Variants in FBXO40 observed in about 807,000 individuals in gnomAD.
The protein encoded by FBXO40 is F-box only protein 40.
A neutral mutation model predicts 49.9 loss-of-function variants in FBXO40; 50 were observed. That is an observed-to-expected ratio of 1.00 (90% CI 0.80 to 1.27). FBXO40 has a LOEUF of 1.27. FBXO40 is among the 50% of genes most tolerant of loss of function. The probability of loss-of-function intolerance (pLI) is 0.00; values close to 1 mark genes in which losing one functional copy is unlikely to be tolerated. For synonymous variants in FBXO40, 340 were observed against 320.2 expected (o/e 1.06, Z -0.66); for missense variants, 895 against 870.1 (o/e 1.03, Z -0.36).
chr3:121,613,991 G>A (rs1053919181), intron 1 of FBXO40, among the ~76,000 whole-genome samples: 5 of 152,018 alleles, frequency 3.3e-5, no homozygotes, highest in South Asian at 2.1e-4. Flanking sequence ...AAATTAGACT[G>A]GGCGCAGTGG....
At chr3:121,616,293 A>G (rs1460165583) in intron 1 of FBXO40, among the ~76,000 whole-genome samples, 1 of 152,100 alleles carries the variant, frequency 6.6e-6, no homozygotes, top group Admixed American at 6.6e-5. Context: ...TCATTTATTA[A>G]TGTGCATAAG....
At chr3:121,599,653 C>T (rs1421930844) in intron 1 of FBXO40, among the ~76,000 whole-genome samples, 1 of 110,462 alleles carries the variant, frequency 9.1e-6, no homozygotes, top group African/African-American at 3.5e-5. Context: ...TATTGTAGTG[C>T]ATACACACAC....
intron 1 of FBXO40, among the ~76,000 whole-genome samples, chr3:121,613,182 C>T (rs2108848203): frequency 1.3e-5 from 2 of 152,198 alleles, no homozygotes; most frequent in Middle Eastern, 6.8e-3. Flanking sequence ...ACTGCGTTCT[C>T]CACCAGGACT....
At chr3:121,604,514 G>T (rs1395084814) in intron 1 of FBXO40, among the ~76,000 whole-genome samples, 1 of 152,094 alleles carries the variant, frequency 6.6e-6, no homozygotes, top group Non-Finnish European at 1.5e-5. Flanking sequence ...TTTCCACCAT[G>T]ATGGCCCTGA....
chr3:121,602,306 T>C (rs1325169796), intron 1 of FBXO40, among the ~76,000 whole-genome samples: 1 of 152,134 alleles, frequency 6.6e-6, no homozygotes, highest in African/African-American at 2.4e-5. Flanking sequence ...CAAATCTGCA[T>C]CTCCACATTC....
chr3:121,595,713 G>T lies in FBXO40; in HGVS notation c.-31+2211G>T, dbSNP rs149353550. The stretch of plus-strand genomic sequence containing the variant: ...TGTGTTAAAATCTCAAGAAGGCAAA[G>T]AGATTACTTTAATAATTATCTTTAT... On this transcript the variant is annotated intron_variant, in intron 1 of 3. Coordinates refer to ENST00000338040, the MANE Select transcript of FBXO40 (RefSeq NM_016298.4). Among the ~76,000 whole-genome samples the T allele has an allele frequency of 5.2e-3, 796 of 152,252 alleles. 6 individuals carry two copies. The highest frequency in any genetic ancestry group is 0.02 in the Middle Eastern group (6 of 294).
rs778338031 is a variant in FBXO40, at chr3:121,621,502, A to G, written c.73A>G (p.Ile25Val). ...CEGCFNRHCHIPVEPNTSCLV... is the reference protein window; with the variant it reads ...CEGCFNRHCHVPVEPNTSCLV... The stretch of plus-strand genomic sequence containing the variant: ...GGGATGCTTCAACCGCCACTGCCAC[A>G]TTCCTGTGGAACCCAACACCTCCTG... The change falls in exon 3 of 4, where the codon ATT becomes GTT. Residue 25 changes from isoleucine to valine, a missense_variant. Coordinates refer to ENST00000338040, the MANE Select transcript of FBXO40 (RefSeq NM_016298.4). 1.2e-6 allele frequency: 2 copies of G among 1,614,214 alleles called. No homozygotes were observed. The highest frequency in any genetic ancestry group is 2.2e-5 in the East Asian group (1 of 44,876).
At chr3:121,600,479 T>C (rs1372417585) in intron 1 of FBXO40, among the ~76,000 whole-genome samples, 1 of 152,152 alleles carries the variant, frequency 6.6e-6, no homozygotes, top group Non-Finnish European at 1.5e-5. Context: ...CAAAGAAGTA[T>C]CAAAATAATC....
At chr3:121,594,836 A>T (rs969793048) in intron 1 of FBXO40, among the ~76,000 whole-genome samples, 2 of 152,226 alleles carry the variant, frequency 1.3e-5, no homozygotes, top group Admixed American at 1.3e-4. Context: ...AGCTTGAACA[A>T]TTTTGCATAT....
Position 121,629,766 on chromosome 3 carries a change from A to AC in FBXO40, c.*2858dup, listed in dbSNP as rs2049083260. ...CACTTCATAGTGAGAGGGCAGCGGTACCAAAGCCTTTCAGAGAGACTATGG... is the reference window on the plus strand; with the variant it reads ...CACTTCATAGTGAGAGGGCAGCGGTACCCAAAGCCTTTCAGAGAGACTATGG... On this transcript the variant is annotated 3_prime_UTR_variant, in exon 4 of 4. Coordinates refer to ENST00000338040, the MANE Select transcript of FBXO40 (RefSeq NM_016298.4). 1 of 152,290 alleles carries AC rather than the reference A, an allele frequency of 6.6e-6. No individual in the cohort carries two copies. Among genetic ancestry groups the AC allele is most frequent in the Non-Finnish European group, 1.5e-5 (1 of 68,064 alleles). The allele number at this position is 152,290 out of a possible 1,614,324, so 9.4% of individuals were successfully genotyped here.
chr3:121,614,948 G>A (rs116520754), intron 1 of FBXO40, among the ~76,000 whole-genome samples: 2,175 of 152,240 alleles, frequency 0.014, 35 homozygotes, highest in African/African-American at 0.049. Flanking sequence ...TGCCAGGTGC[G>A]GAGGCTTTCA....
intron 1 of FBXO40, among the ~76,000 whole-genome samples, chr3:121,596,132 A>G (rs557978934): frequency 6.6e-6 from 1 of 152,324 alleles, no homozygotes; most frequent in South Asian, 2.1e-4. Context: ...ACGTGTTAGC[A>G]TGACTTTGTT....
chr3:121,603,059 A>T (rs999158097), intron 1 of FBXO40, among the ~76,000 whole-genome samples: 1 of 152,256 alleles, frequency 6.6e-6, no homozygotes, highest in Non-Finnish European at 1.5e-5. Context: ...CTTGGGTCAC[A>T]GACTGCCATC....
Position 121,622,215 on chromosome 3 carries a change from C to A in FBXO40, c.786C>A (p.Gly262=). 3 of 1,613,810 alleles carry A rather than the reference C, an allele frequency of 1.9e-6. No individual in the cohort carries two copies. Among genetic ancestry groups the A allele is most frequent in the Non-Finnish European group, 2.5e-6 (3 of 1,179,926 alleles). Residue 262 remains glycine, a synonymous_variant, in exon 3 of 4, where the codon GGC becomes GGA. Coordinates refer to ENST00000338040, the MANE Select transcript of FBXO40 (RefSeq NM_016298.4). ...GCCATAACATGGTAGAAGGAGAGGG[C>A]GCTCCCAAAAAGAAAGAACCACAGG... ...SSGHNMVEGE[G]APKKKEPQEN... is the part of the protein sequence containing the mutation.
intron 1 of FBXO40, among the ~76,000 whole-genome samples, chr3:121,610,607 T>C (rs1032841479): frequency 6.6e-5 from 10 of 152,186 alleles, no homozygotes; most frequent in South Asian, 2.1e-4. Flanking sequence ...AATAATCATA[T>C]GGTTTCTCCT....
At chr3:121,609,062 A>C (rs1463240112) in intron 1 of FBXO40, among the ~76,000 whole-genome samples, 1 of 152,150 alleles carries the variant, frequency 6.6e-6, no homozygotes, top group Non-Finnish European at 1.5e-5. Context: ...CATAAATGGC[A>C]GAACCCAGCC....
At chr3:121,610,779 C>T (rs1305691192) in intron 1 of FBXO40, among the ~76,000 whole-genome samples, 1 of 152,108 alleles carries the variant, frequency 6.6e-6, no homozygotes, top group Admixed American at 6.5e-5. Flanking sequence ...CAGTTGGGAC[C>T]ACAAGCACAT....
Position 121,623,069 on chromosome 3 carries a change from C to T in FBXO40, c.1640C>T (p.Pro547Leu), listed in dbSNP as rs144132932. The change falls in exon 3 of 4, where the codon CCG becomes CTG. Residue 547 changes from proline to leucine, a missense_variant. Coordinates refer to ENST00000338040, the MANE Select transcript of FBXO40 (RefSeq NM_016298.4). ...GAGCTCAAGACCTTTGCCATTAAGC[C>T]GGAGGTTGCTCCAGAGCTGAGCGAG... ...SQELKTFAIK[P>L]EVAPELSEGR... is the part of the protein sequence containing the mutation. The T allele has an allele frequency of 9.4e-5, 151 of 1,614,060 alleles. No individual in the cohort carries two copies. Among genetic ancestry groups the T allele is most frequent in the Non-Finnish European group, 1.2e-4 (139 of 1,180,050 alleles).
chr3:121,619,432 C>T (rs1177573898), intron 1 of FBXO40, among the ~76,000 whole-genome samples: 1 of 152,198 alleles, frequency 6.6e-6, no homozygotes, highest in Non-Finnish European at 1.5e-5. Context: ...TGGCAACCTA[C>T]AGATCCTATC....
Sources: gnomAD v4.1 joint callset for allele counts (sites outside exome capture counted in the v4.1 genomes callset) on GRCh38, gnomAD v4.1.1 for gene constraint, MANE v1.5 for transcripts, NCBI Gene and HGNC (gene_info 2026-07-23, HGNC 2026-07-21) for gene names.